RAD17: variants seen among roughly 807,000 people sequenced by gnomAD.
The protein encoded by RAD17 is cell cycle checkpoint protein RAD17.
RAD17 carries 31 observed loss-of-function variants against 81.5 expected under a neutral mutation model. The ratio of observed to expected loss-of-function variants is 0.38; its 90% CI spans 0.29 to 0.51. RAD17 has a LOEUF of 0.51. RAD17 is among the 20% of genes least tolerant of loss of function. The pLI is 0.88. For missense variants in RAD17, 681 were observed against 781.2 expected, an observed-to-expected ratio of 0.87 and a Z score of 1.53; for synonymous variants, 261 against 266.2, an observed-to-expected ratio of 0.98 and a Z score of 0.19.
At chr5:69,371,393 C>T in intron 2 of RAD17, 61 bp from the exon 3 acceptor site, 1 of 502,696 alleles carries the variant, frequency 2.0e-6, no homozygotes, top group Non-Finnish European at 3.6e-6. Context: ...ACATTTATTA[C>T]TATAATTGGG....
intron 7 of RAD17, chr5:69,384,158 T>G (rs1304881501): frequency 3.3e-5 from 5 of 151,932 alleles, no homozygotes; most frequent in African/African-American, 1.2e-4. Flanking sequence ...AGAGCAAGAT[T>G]CCGTCTCAAA....
chr5:69,396,337 G>A lies in RAD17; in HGVS notation c.1423-60G>A, dbSNP rs145126921. 5.9e-3 allele frequency: 9,078 copies of A among 1,537,196 alleles called. 29 individuals carry two copies. Among genetic ancestry groups the A allele is most frequent in the Non-Finnish European group, 7.1e-3 (8,024 of 1,127,924 alleles). Reference sequence around the variant, plus strand: ...CGGTTAGTATTTTTGTATATATCAGGAATACCAGTAATGCTCTTTTATAAA... The same window carrying A: ...CGGTTAGTATTTTTGTATATATCAGAAATACCAGTAATGCTCTTTTATAAA... On this transcript the variant is annotated intron_variant, in intron 15 of 18. Coordinates refer to ENST00000354868, the MANE Select transcript of RAD17 (RefSeq NM_133338.3).
chr5:69,374,683 C>G lies in RAD17; in HGVS notation c.323C>G (p.Ala108Gly). 1.2e-6 allele frequency: 2 copies of G among 1,611,518 alleles called. No homozygotes were observed. Among genetic ancestry groups the G allele is most frequent in the Admixed American group, 1.7e-5 (1 of 59,580 alleles). Reference sequence around the variant, plus strand: ...GAAGAAGTCGAAACCTGGTTAAAAGCTCAAGTTTTAGAAAGGCAACCAAAA... The same window carrying G: ...GAAGAAGTCGAAACCTGGTTAAAAGGTCAAGTTTTAGAAAGGCAACCAAAA... ...KIEEVETWLKAQVLERQPKQG... is the reference protein window; with the variant it reads ...KIEEVETWLKGQVLERQPKQG... Residue 108 changes from alanine (A) to glycine (G), a missense_variant, in exon 6 of 19, where the codon GCT (alanine) becomes GGT (glycine). By Grantham distance (60) the Ala-to-Gly change is moderately conservative. Coordinates refer to ENST00000354868, the MANE Select transcript of RAD17 (RefSeq NM_133338.3).
intron 18 of RAD17, among the ~76,000 whole-genome samples, chr5:69,413,512 G>T (rs1766155475): frequency 6.6e-6 from 1 of 152,174 alleles, no homozygotes; most frequent in Non-Finnish European, 1.5e-5. Flanking sequence ...TTTTGTTGTT[G>T]TGGTTTGGTT....
intron 17 of RAD17, among the ~76,000 whole-genome samples, chr5:69,401,176 C>A (rs1354315646): frequency 6.6e-6 from 1 of 152,206 alleles, no homozygotes; most frequent in Non-Finnish European, 1.5e-5. Context: ...CCATTGCACT[C>A]CAGCCTGGGC....
rs112951829 is a variant in RAD17 at position 69,402,785 on chromosome 5, T to A, written c.1693+2616T>A. On this transcript the variant is annotated intron_variant, in intron 17 of 18. Transcript: ENST00000354868. The stretch of plus-strand genomic sequence containing the variant: ...TGCCTGATTATATTCTCTCTCTTTA[T>A]AAGCATGCACATATATGTATTATTT... 1.8e-3 allele frequency among the ~76,000 whole-genome samples: 270 copies of A among 152,346 alleles called. 4 individuals are homozygous for A. Among genetic ancestry groups the A allele is most frequent in the African/African-American group, 6.2e-3 (258 of 41,584 alleles).
At chr5:69,410,403 A>T in intron 17 of RAD17, 90 bp from the exon 18 acceptor site, 1 of 936,476 alleles carries the variant, frequency 1.1e-6, no homozygotes, top group Non-Finnish European at 1.7e-6. Context: ...TCTAAAGATT[A>T]GTGATGTTCA....
At chr5:69,409,565 A>C (rs1765839226) in intron 17 of RAD17, among the ~76,000 whole-genome samples, 1 of 152,098 alleles carries the variant, frequency 6.6e-6, no homozygotes, top group Non-Finnish European at 1.5e-5. Flanking sequence ...CAAATGATTG[A>C]TTTTTAAAAG....
chr5:69,384,954 CTT>C (rs375164458), intron 8 of RAD17, 21 bp downstream of exon 8: 29,440 of 1,219,930 alleles, frequency 0.024, no homozygotes, highest in East Asian at 0.038. Context: ...CTTTTAAAAT[CTT>C]TTTTTTTTTT....
At chr5:69,398,582 CAGA>C (rs1276443850) in intron 16 of RAD17, among the ~76,000 whole-genome samples, 1 of 151,878 alleles carries the variant, frequency 6.6e-6, no homozygotes, top group Non-Finnish European at 1.5e-5. Flanking sequence ...CTGAGGCGGG[CAGA>C]ACACAAGGTC....
At chr5:69,385,391 C>A (rs1764148147) in intron 8 of RAD17, among the ~76,000 whole-genome samples, 2 of 151,546 alleles carry the variant, frequency 1.3e-5, no homozygotes, top group South Asian at 4.1e-4. Flanking sequence ...GCCTCAGCCT[C>A]CCCCGAGTAG....
chr5:69,402,654 C>CAAA (rs35516042), intron 17 of RAD17, among the ~76,000 whole-genome samples: 2 of 123,910 alleles, frequency 1.6e-5, no homozygotes, highest in Admixed American at 8.1e-5. Context: ...GACTCTGTCT[C>CAAA]AAAAAAAAAA....
chr5:69,404,429 C>T (rs1298341972), intron 17 of RAD17, among the ~76,000 whole-genome samples: 1 of 152,160 alleles, frequency 6.6e-6, no homozygotes, highest in African/African-American at 2.4e-5. Flanking sequence ...AAAAAACAGG[C>T]AATTCCAGCC....
rs1443641420 is a variant in RAD17, at chr5:69,410,961, CTGTCTATA to C, written c.1751+413_1751+420del. 3.9e-4 allele frequency among the ~76,000 whole-genome samples: 9 copies of C among 23,356 alleles called. 1 individual carries two copies. Among genetic ancestry groups the C allele is most frequent in the African/African-American group, 7.3e-4 (5 of 6,840 alleles). The allele number at this position is 23,356 out of a possible 152,430, so 15.3% of individuals were successfully genotyped here. On this transcript the variant is annotated intron_variant, in intron 18 of 18. Coordinates refer to ENST00000354868, the MANE Select transcript of RAD17 (RefSeq NM_133338.3). ...ATTTAAACAAGCAAAAAATAGATGT[CTGTCTATA>C]TATATATATATATATATATATATAT...
chr5:69,401,186 C>T (rs759588101), intron 17 of RAD17, among the ~76,000 whole-genome samples: 22 of 152,102 alleles, frequency 1.4e-4, no homozygotes, highest in Non-Finnish European at 2.8e-4. Context: ...CCAGCCTGGG[C>T]GACAGAGCAA....
intron 7 of RAD17, 31 bp downstream of exon 7, chr5:69,382,088 G>C (rs1451947055): frequency 6.3e-7 from 1 of 1,596,254 alleles, no homozygotes; most frequent in Non-Finnish European, 8.6e-7. Context: ...AGTAGAAGTA[G>C]TGGGGCAAAC....
chr5:69,372,450 G>T (rs1287014932), intron 4 of RAD17, among the ~76,000 whole-genome samples: 1 of 152,096 alleles, frequency 6.6e-6, no homozygotes, highest in Non-Finnish European at 1.5e-5. Context: ...ATTCTTGAAA[G>T]AAATATATAA....
chr5:69,404,569 AC>A (rs1040274214), intron 17 of RAD17, among the ~76,000 whole-genome samples: 2 of 152,072 alleles, frequency 1.3e-5, no homozygotes, highest in African/African-American at 4.8e-5. Flanking sequence ...GGAGATCGAG[AC>A]CAGCCTGGCC....
chr5:69,404,329 A>T (rs1765453134), intron 17 of RAD17, among the ~76,000 whole-genome samples: 1 of 152,320 alleles, frequency 6.6e-6, no homozygotes, highest in East Asian at 1.9e-4. Flanking sequence ...AATGGGAGAA[A>T]ATATTTGTAA....
Sources: allele counts gnomAD v4.1 joint callset (sites outside exome capture counted in the v4.1 genomes callset), GRCh38; gene constraint gnomAD v4.1.1; transcripts MANE v1.5; gene names NCBI Gene and HGNC (gene_info 2026-07-23, HGNC 2026-07-21).